Variants in DNAI3 observed in about 807,000 individuals in gnomAD.
The protein encoded by DNAI3 is dynein axonemal intermediate chain 3.
A neutral mutation model predicts 115.5 loss-of-function variants in DNAI3; 83 were observed. The observed-to-expected ratio is 0.72, with a 90% confidence interval of 0.60 to 0.86. The LOEUF (loss-of-function observed/expected upper bound fraction) is 0.86, where lower values mean the gene tolerates loss of function less well. DNAI3 is among the 40% of genes least tolerant of loss of function. DNAI3 has a pLI of 0.00. For synonymous variants in DNAI3, 320 were observed against 347.0 expected (o/e 0.92, Z 0.86); for missense variants, 1,004 against 1,075.8 (o/e 0.93, Z 0.93).
At chr1:85,123,052 G>A (rs1261155047) in intron 18 of DNAI3, among the ~76,000 whole-genome samples, 1 of 152,218 alleles carries the variant, frequency 6.6e-6, no homozygotes, top group Non-Finnish European at 1.5e-5. Context: ...TGGAAGGACT[G>A]TGGCTCTTGT....
At chr1:85,091,893 C>G (rs1654986487) in intron 8 of DNAI3, among the ~76,000 whole-genome samples, 1 of 152,174 alleles carries the variant, frequency 6.6e-6, no homozygotes. Flanking sequence ...CTTCCCCGTT[C>G]TGGCTAAGGA....
intron 16 of DNAI3, among the ~76,000 whole-genome samples, chr1:85,117,271 A>G (rs2100607019): frequency 6.6e-6 from 1 of 152,326 alleles, no homozygotes; most frequent in East Asian, 1.9e-4. Context: ...TTTACAAGAA[A>G]AGTCACAATA....
chr1:85,074,108 A>G (rs1037741), intron 3 of DNAI3, among the ~76,000 whole-genome samples: 109,047 of 152,004 alleles, frequency 0.72, 39,645 homozygotes, highest in Non-Finnish European at 0.78. Flanking sequence ...AACCACCCCA[A>G]CTTATGTGAA....
chr1:85,118,835 T>G (rs2034951), intron 17 of DNAI3, among the ~76,000 whole-genome samples: 95,933 of 151,576 alleles, frequency 0.63, 31,608 homozygotes, highest in South Asian at 0.83. Context: ...GCTTGGATGT[T>G]GGAGGTTGAG....
chr1:85,111,053 GA>G (rs2100600584), intron 16 of DNAI3, among the ~76,000 whole-genome samples: 1 of 152,260 alleles, frequency 6.6e-6, no homozygotes, highest in Non-Finnish European at 1.5e-5. Flanking sequence ...AAATGTTCGA[GA>G]ATAACTAGCA....
chr1:85,128,675 A>AT (rs776063778), intron 20 of DNAI3, 33 bp from the exon 21 acceptor site: 10 of 1,567,226 alleles, frequency 6.4e-6, no homozygotes, highest in Admixed American at 3.6e-5. Flanking sequence ...CTGTTTGCTG[A>AT]TTTTTTCCTC....
chr1:85,088,007 C>T (rs141524060), intron 7 of DNAI3, among the ~76,000 whole-genome samples: 3 of 151,910 alleles, frequency 2.0e-5, no homozygotes, highest in Non-Finnish European at 4.4e-5. Context: ...AAACAAGAGG[C>T]GGTAAAGAGA....
chr1:85,131,408 C>CACT (rs961563729), intron 22 of DNAI3, among the ~76,000 whole-genome samples: 1 of 131,304 alleles, frequency 7.6e-6, no homozygotes, highest in Non-Finnish European at 1.5e-5. Flanking sequence ...TGTGCCATTG[C>CACT]ACTCCATCCT....
intron 1 of DNAI3, among the ~76,000 whole-genome samples, chr1:85,067,722 G>T (rs1320112509): frequency 6.6e-6 from 1 of 152,182 alleles, no homozygotes; most frequent in Non-Finnish European, 1.5e-5. Flanking sequence ...ACAAAGAAGA[G>T]GTTAGAGTAT....
chr1:85,109,685 G>A (rs1255409526), intron 15 of DNAI3, among the ~76,000 whole-genome samples: 3 of 152,140 alleles, frequency 2.0e-5, no homozygotes, highest in African/African-American at 7.2e-5. Context: ...ACTTTCTGGG[G>A]TCTCATTTAA....
intron 16 of DNAI3, 87 bp downstream of exon 16, chr1:85,110,222 C>A (rs1444137939): frequency 1.1e-5 from 13 of 1,185,672 alleles, no homozygotes; most frequent in African/African-American, 7.8e-5. Context: ...GAGGCTGAGG[C>A]GGGCGGATCA....
Position 85,082,303 on chromosome 1 carries a change from T to C in DNAI3, c.289T>C (p.Tyr97His). Residue 97 changes from tyrosine to histidine, a missense_variant, in exon 5 of 23, where the codon TAT becomes CAT. Transcript: ENST00000294664. ...TATCTCAATTATATTCTTGTAGGAA[T>C]ATCCTGGAAATGAGCTTCTGCTTGT... ...FHPVKKIVQE[Y>H]PGNELLLVYD... 2 of 1,610,516 alleles carry C rather than the reference T, an allele frequency of 1.2e-6. No individual in the cohort carries two copies. The highest frequency in any genetic ancestry group is 2.2e-5 in the South Asian group (2 of 90,658).
intron 8 of DNAI3, among the ~76,000 whole-genome samples, chr1:85,091,898 T>C (rs546456582): frequency 3.9e-4 from 60 of 152,278 alleles, no homozygotes; most frequent in Non-Finnish European, 6.6e-4. Context: ...CCGTTCTGGC[T>C]AAGGAGGTAG....
At chr1:85,111,267 G>T (rs1290213246) in intron 16 of DNAI3, among the ~76,000 whole-genome samples, 1 of 152,182 alleles carries the variant, frequency 6.6e-6, no homozygotes, top group African/African-American at 2.4e-5. Flanking sequence ...TATAGACATT[G>T]TCAAAGCATT....
intron 22 of DNAI3, among the ~76,000 whole-genome samples, chr1:85,131,456 AAAAAAAAT>A (rs1351441630): frequency 6.8e-6 from 1 of 147,936 alleles, no homozygotes; most frequent in Non-Finnish European, 1.5e-5. Context: ...AAAAAAAAAA[AAAAAAAAT>A]AAAGCATTAG....
chr1:85,117,855 C>G lies in DNAI3; in HGVS notation c.1913C>G (p.Thr638Arg). The G allele has an allele frequency of 6.2e-7, 1 of 1,612,018 alleles. No individual in the cohort carries two copies. Among genetic ancestry groups the G allele is most frequent in the East Asian group, 2.2e-5 (1 of 44,854 alleles). Residue 638 changes from threonine to arginine, a missense_variant, in exon 17 of 23, where the codon ACA (threonine) becomes AGA (arginine). By Grantham distance (71) the Thr-to-Arg change is moderately conservative (BLOSUM62 -1). This residue lies in a region of DNAI3 where 429 missense variants were observed against 454.3 expected (regional missense o/e 0.94). Coordinates refer to ENST00000294664, the MANE Select transcript of DNAI3 (RefSeq NM_145172.5). ...DDFCTKFFVG[T>R]EEGEVIYTDW... ...TTCTGCACAAAGTTCTTTGTGGGAA[C>G]AGAGGTAAATTGGGATTATCTGCTT...
intron 3 of DNAI3, among the ~76,000 whole-genome samples, chr1:85,075,182 C>T (rs1356562775): frequency 6.6e-6 from 1 of 152,078 alleles, no homozygotes; most frequent in Non-Finnish European, 1.5e-5. Flanking sequence ...TGTGAGCTAC[C>T]ATGCCCAGCC....
At chr1:85,079,317 T>C (rs1034156046) in intron 3 of DNAI3, among the ~76,000 whole-genome samples, 10 of 152,266 alleles carry the variant, frequency 6.6e-5, no homozygotes, top group Non-Finnish European at 1.2e-4. Flanking sequence ...GAATTCCCAA[T>C]GTTATGCCAA....
chr1:85,072,954 CAA>C (rs35956778), intron 2 of DNAI3, 98 bp from the exon 3 acceptor site: 3,169 of 402,698 alleles, frequency 7.9e-3, no homozygotes, highest in South Asian at 0.013. Flanking sequence ...GACTCCGTCT[CAA>C]AAAAAAAAAA....
Sources: gnomAD v4.1 joint callset for allele counts (sites outside exome capture counted in the v4.1 genomes callset) on GRCh38, gnomAD v4.1.1 for gene constraint, gnomAD v4.1.1 regional missense constraint, MANE v1.5 for transcripts, NCBI Gene and HGNC (gene_info 2026-07-23, HGNC 2026-07-21) for gene names.